ANO4: variants seen among roughly 807,000 people sequenced by gnomAD.
ANO4 encodes anoctamin-4.
Under a neutral mutation model 141.9 loss-of-function variants are expected in ANO4, and 69 were observed. That is an observed-to-expected ratio of 0.49 (90% CI 0.40 to 0.59). The LOEUF is 0.59. Among genes scored for constraint, ANO4 ranks in the 20% least tolerant of loss-of-function variants. The pLI, the probability that ANO4 is intolerant of heterozygous loss-of-function variation, is 0.00. For missense variants in ANO4, 894 were observed against 1,162.2 expected, an observed-to-expected ratio of 0.77 and a Z score of 3.36; for synonymous variants, 350 against 394.3, an observed-to-expected ratio of 0.89 and a Z score of 1.33.
At chr12:101,031,256 A>G (rs924199694) in intron 9 of ANO4, among the ~76,000 whole-genome samples, 1 of 152,126 alleles carries the variant, frequency 6.6e-6, no homozygotes, top group East Asian at 1.9e-4. Context: ...TCAGCTTCAC[A>G]CCTGGGATGC....
At chr12:100,824,893 T>C (rs903109804) in intron 1 of ANO4, among the ~76,000 whole-genome samples, 4 of 152,064 alleles carry the variant, frequency 2.6e-5, no homozygotes, top group African/African-American at 4.8e-5. Flanking sequence ...AGTGTGCTGG[T>C]TTTATTTTTT....
At chr12:100,880,976 A>G (rs941498914) in intron 1 of ANO4, among the ~76,000 whole-genome samples, 1 of 152,136 alleles carries the variant, frequency 6.6e-6, no homozygotes, top group Non-Finnish European at 1.5e-5. Flanking sequence ...GAGTTTATTT[A>G]TAGAATATGC....
At chr12:100,935,226 G>A (rs747980227) in intron 3 of ANO4, among the ~76,000 whole-genome samples, 2 of 152,134 alleles carry the variant, frequency 1.3e-5, no homozygotes, top group Non-Finnish European at 2.9e-5. Context: ...TTGGCTGTGG[G>A]TTTGTCATAA....
At chr12:100,717,620 CG>C in intron 1 of ANO4, 1 of 399,000 alleles carries the variant, frequency 2.5e-6, no homozygotes. Context: ...TCGAAACACC[CG>C]GGGAAACTTC....
At chr12:101,051,319 C>CTT (rs1434136085) in intron 14 of ANO4, among the ~76,000 whole-genome samples, 4 of 152,108 alleles carry the variant, frequency 2.6e-5, no homozygotes, top group African/African-American at 7.2e-5. Context: ...TTGGAGTATA[C>CTT]TTTGTAAGAC....
intron 3 of ANO4, among the ~76,000 whole-genome samples, chr12:100,774,142 C>G (rs1227149431): frequency 6.6e-6 from 1 of 151,810 alleles, no homozygotes; most frequent in African/African-American, 2.4e-5. Context: ...TAAAGTCTGT[C>G]TTGAAAAAAA....
At chr12:100,952,306 G>T (rs191551108) in intron 5 of ANO4, among the ~76,000 whole-genome samples, 1 of 152,250 alleles carries the variant, frequency 6.6e-6, no homozygotes, top group East Asian at 1.9e-4. Context: ...TAGTTTCTTT[G>T]TTTGTTAAGT....
In ANO4 at chr12:101,096,621, A is replaced by G; in HGVS notation, c.1824A>G (p.Thr608=). 6.2e-7 allele frequency: 1 copy of G among 1,613,356 alleles called. No individual in the cohort carries two copies. Among genetic ancestry groups the G allele is most frequent in the East Asian group, 2.2e-5 (1 of 44,842 alleles). ...AGTTTGTCAATCTGAACAGCTCCAC[A>G]TTTTACATCGCATTCTTCCTCGGAA... ...LFQFVNLNSS[T]FYIAFFLGRF... The change falls in exon 19 of 28, where the codon ACA becomes ACG. Residue 608 remains threonine, a synonymous_variant. Transcript: ENST00000392977.
intron 24 of ANO4, among the ~76,000 whole-genome samples, chr12:101,114,530 TAA>T (rs2050780254): frequency 6.6e-6 from 1 of 152,214 alleles, no homozygotes; most frequent in Admixed American, 6.5e-5. Flanking sequence ...TATTTAAATT[TAA>T]ATTTTCTTAA....
At chr12:100,897,701 G>A (rs1418616818) in intron 1 of ANO4, among the ~76,000 whole-genome samples, 1 of 152,198 alleles carries the variant, frequency 6.6e-6, no homozygotes, top group Admixed American at 6.5e-5. Flanking sequence ...ACTAGAGACT[G>A]GAGTGGGTCA....
intron 2 of ANO4, among the ~76,000 whole-genome samples, chr12:100,739,090 T>C (rs1402885191): frequency 1.4e-5 from 2 of 138,142 alleles, no homozygotes; most frequent in South Asian, 2.3e-4. Context: ...TTTATGTATA[T>C]ATAATTTGTA....
At chr12:100,792,393 TC>T (rs763865653), upstream of ANO4, among the ~76,000 whole-genome samples, 44 of 152,282 alleles carry the variant, frequency 2.9e-4, no homozygotes, top group Non-Finnish European at 5.7e-4. Flanking sequence ...TGGCCATCGA[TC>T]CAACAAATAC....
At chr12:100,732,499 A>G (rs1344593495) in intron 1 of ANO4, among the ~76,000 whole-genome samples, 3 of 151,866 alleles carry the variant, frequency 2.0e-5, no homozygotes, top group Admixed American at 1.3e-4. Flanking sequence ...TTTTACAAAT[A>G]TTTTCTCCCA....
chr12:100,949,123 G>A (rs1006839286), intron 5 of ANO4, among the ~76,000 whole-genome samples: 8 of 152,294 alleles, frequency 5.3e-5, no homozygotes, highest in Admixed American at 2.0e-4. Context: ...AATCCTGGAA[G>A]CAGGTCTTTC....
chr12:101,084,124 C>A (rs11831320), intron 16 of ANO4, among the ~76,000 whole-genome samples: 18,840 of 152,104 alleles, frequency 0.12, 1,284 homozygotes, highest in East Asian at 0.21. Context: ...TGAAAGGAGT[C>A]AAAAATGTGA....
intron 14 of ANO4, among the ~76,000 whole-genome samples, chr12:101,074,743 G>A (rs2048957176): frequency 6.6e-6 from 1 of 152,198 alleles, no homozygotes; most frequent in South Asian, 2.1e-4. Flanking sequence ...AGGCCCTGGT[G>A]TGTAAAGCAT....
chr12:101,022,941 A>G (rs577692558), intron 9 of ANO4, among the ~76,000 whole-genome samples: 83 of 151,252 alleles, frequency 5.5e-4, no homozygotes, highest in African/African-American at 1.8e-3. Context: ...GGGTTTCACT[A>G]TGTTGGCCAG....
chr12:100,813,532 G>A (rs190584682), intron 1 of ANO4, among the ~76,000 whole-genome samples: 6 of 152,298 alleles, frequency 3.9e-5, no homozygotes, highest in African/African-American at 1.2e-4. Context: ...TGTAAAAACA[G>A]CCTGGGCACC....
intron 3 of ANO4, among the ~76,000 whole-genome samples, chr12:100,927,064 T>A (rs1182000869): frequency 6.6e-6 from 1 of 152,128 alleles, no homozygotes; most frequent in Non-Finnish European, 1.5e-5. Context: ...CTTACTAATA[T>A]TTGTTAGTGA....
Sources: allele counts gnomAD v4.1 joint callset (sites outside exome capture counted in the v4.1 genomes callset), GRCh38; gene constraint gnomAD v4.1.1; transcripts MANE v1.5; gene names NCBI Gene and HGNC (gene_info 2026-07-23, HGNC 2026-07-21).